Variants in MACROD2 observed in about 807,000 individuals in gnomAD.
MACROD2 encodes mono-ADP ribosylhydrolase 2, also known as ADP-ribose glycohydrolase MACROD2.
A neutral mutation model predicts 70.4 loss-of-function variants in MACROD2; 36 were observed. The ratio of observed to expected loss-of-function variants is 0.51; its 90% CI spans 0.39 to 0.68. The LOEUF is 0.68. Ranked by LOEUF, MACROD2 falls within the 30% of genes least tolerant of loss-of-function variation. The pLI, the probability that MACROD2 is intolerant of heterozygous loss-of-function variation, is 0.00. For missense variants in MACROD2, 496 were observed against 538.4 expected (o/e 0.92, Z 0.78); for synonymous variants, 172 against 178.8 (o/e 0.96, Z 0.30).
At chr20:14,818,042 A>G (rs2072793379) in intron 5 of MACROD2, among the ~76,000 whole-genome samples, 1 of 152,124 alleles carries the variant, frequency 6.6e-6, no homozygotes, top group Non-Finnish European at 1.5e-5. Context: ...CATCCACCCA[A>G]AGTGTTATTT....
intron 6 of MACROD2, among the ~76,000 whole-genome samples, chr20:15,315,057 T>C (rs992968096): frequency 3.9e-5 from 6 of 152,102 alleles, no homozygotes; most frequent in African/African-American, 1.2e-4. Context: ...AAGATTCAAG[T>C]AGGTAGAAGA....
At chr20:15,102,167 A>G (rs2075877827) in intron 5 of MACROD2, among the ~76,000 whole-genome samples, 1 of 152,104 alleles carries the variant, frequency 6.6e-6, no homozygotes. Context: ...ATTGATAAAT[A>G]CAGACAGGCA....
At chr20:14,000,349 A>G (rs1042239706) in intron 1 of MACROD2, among the ~76,000 whole-genome samples, 9 of 152,054 alleles carry the variant, frequency 5.9e-5, no homozygotes. Context: ...ATGTGGCTGA[A>G]GTTCTAGTTA....
chr20:15,506,567 T>G (rs180719259), intron 8 of MACROD2, among the ~76,000 whole-genome samples: 1 of 152,304 alleles, frequency 6.6e-6, no homozygotes, highest in Admixed American at 6.5e-5. Flanking sequence ...TATTTCAGCA[T>G]CACGTTATGG....
At chr20:14,718,091 G>A (rs773397823) in intron 5 of MACROD2, among the ~76,000 whole-genome samples, 14 of 151,732 alleles carry the variant, frequency 9.2e-5, no homozygotes, top group Non-Finnish European at 1.9e-4. Flanking sequence ...TCAGGAGTTC[G>A]AGATCAGCCT....
At chr20:14,989,779 G>T (rs2074884268) in intron 5 of MACROD2, among the ~76,000 whole-genome samples, 1 of 152,108 alleles carries the variant, frequency 6.6e-6, no homozygotes, top group Non-Finnish European at 1.5e-5. Context: ...TCCGTTTTAG[G>T]TCGGTCATAG....
intron 2 of MACROD2, chr20:14,051,970 A>G (rs1347325006): frequency 3.9e-6 from 2 of 514,500 alleles, no homozygotes; most frequent in African/African-American, 1.9e-5. Flanking sequence ...CATGGGAAAG[A>G]GTGCCTGAGG....
At chr20:15,510,776 C>T (rs995174096) in intron 8 of MACROD2, among the ~76,000 whole-genome samples, 8 of 152,174 alleles carry the variant, frequency 5.3e-5, no homozygotes, top group African/African-American at 9.7e-5. Flanking sequence ...GGCCATGCAC[C>T]GCTGGAGGCT....
chr20:15,288,867 G>GTCTATCTA (rs3070384), intron 6 of MACROD2, among the ~76,000 whole-genome samples: 5,593 of 146,918 alleles, frequency 0.038, 137 homozygotes, highest in Middle Eastern at 0.045. Flanking sequence ...CTGTCTGTCT[G>GTCTATCTA]TCTATCTATC....
chr20:14,092,327 A>C (rs904188324), intron 3 of MACROD2, among the ~76,000 whole-genome samples: 1 of 152,058 alleles, frequency 6.6e-6, no homozygotes, highest in African/African-American at 2.4e-5. Flanking sequence ...ATCAGTTCAT[A>C]TCTTTTGCCA....
At chr20:15,545,786 T>C (rs890482617) in intron 8 of MACROD2, among the ~76,000 whole-genome samples, 1 of 152,102 alleles carries the variant, frequency 6.6e-6, no homozygotes, top group Non-Finnish European at 1.5e-5. Flanking sequence ...TACCTGGAAG[T>C]ATTGACCAGA....
At chr20:14,878,230 G>A (rs2073571629) in intron 5 of MACROD2, among the ~76,000 whole-genome samples, 1 of 152,140 alleles carries the variant, frequency 6.6e-6, no homozygotes, top group African/African-American at 2.4e-5. Context: ...TCCTTAGTCT[G>A]AAGAAGGGAA....
chr20:14,093,978 G>GTT, intron 3 of MACROD2, among the ~76,000 whole-genome samples: 1 of 148,102 alleles, frequency 6.8e-6, no homozygotes, highest in African/African-American at 2.5e-5. Flanking sequence ...GAGGGCTGAG[G>GTT]TTTTTTTTTT....
chr20:14,366,893 T>C (rs1463258045), intron 3 of MACROD2, among the ~76,000 whole-genome samples: 1 of 152,184 alleles, frequency 6.6e-6, no homozygotes, highest in African/African-American at 2.4e-5. Flanking sequence ...TTAATTTACA[T>C]TTTAAATAAT....
chr20:15,695,478 G>A (rs2050355458), intron 8 of MACROD2, among the ~76,000 whole-genome samples: 1 of 150,354 alleles, frequency 6.7e-6, no homozygotes, highest in Non-Finnish European at 1.5e-5. Flanking sequence ...AGCAATCTCA[G>A]GCTCACTGCA....
chr20:14,401,468 C>T (rs2083637376), intron 3 of MACROD2, among the ~76,000 whole-genome samples: 1 of 152,116 alleles, frequency 6.6e-6, no homozygotes, highest in Non-Finnish European at 1.5e-5. Context: ...GTGTATTTTA[C>T]ATAAATAAAT....
chr20:14,403,945 A>G (rs2083665043), intron 3 of MACROD2, among the ~76,000 whole-genome samples: 1 of 152,160 alleles, frequency 6.6e-6, no homozygotes, highest in South Asian at 2.1e-4. Flanking sequence ...TTATATGTTT[A>G]ATATGATAAA....
At chr20:15,841,422 T>A (rs1017229950) in intron 8 of MACROD2, among the ~76,000 whole-genome samples, 1 of 152,126 alleles carries the variant, frequency 6.6e-6, no homozygotes, top group East Asian at 1.9e-4. Context: ...GCAGGAAGCA[T>A]CATGCTGGAA....
intron 3 of MACROD2, among the ~76,000 whole-genome samples, chr20:14,301,211 A>C (rs997299283): frequency 2.0e-5 from 3 of 152,132 alleles, no homozygotes; most frequent in African/African-American, 4.8e-5. Context: ...TTTAACCACT[A>C]TGTCATGCTG....
Sources: gnomAD v4.1 joint callset for allele counts (sites outside exome capture counted in the v4.1 genomes callset) on GRCh38, gnomAD v4.1.1 for gene constraint, MANE v1.5 for transcripts, NCBI Gene and HGNC (gene_info 2026-07-23, HGNC 2026-07-21) for gene names.